The following ANKRD11 variants were observed in gnomAD, a reference collection of about 807,000 sequenced individuals.
ANKRD11 encodes ankyrin repeat domain 11.
ANKRD11 carries 17 observed loss-of-function variants against 195.7 expected under a neutral mutation model. The observed-to-expected ratio is 0.09, with a 90% CI of 0.06 to 0.13. ANKRD11 has a LOEUF of 0.13. Ranked by LOEUF, ANKRD11 falls within the 10% of genes least tolerant of loss-of-function variation. The probability of loss-of-function intolerance (pLI) is 1.00; values close to 1 mark genes in which losing one functional copy is unlikely to be tolerated. For missense variants in ANKRD11, 3,735 were observed against 3,566.1 expected (o/e 1.05, Z -1.21); for synonymous variants, 1,953 against 1,528.1 (o/e 1.28, Z -6.49).
rs967061307 is a variant in ANKRD11, at chr16:89,278,364, A to G, written c.7470+708T>C. The G allele has an allele frequency of 3.3e-5, 12 of 368,210 alleles. No homozygotes were observed. The Admixed American group carries it at 3.4e-4, about 10-fold the overall frequency. 22.8% of individuals were successfully genotyped at this position (368,210 alleles called of 1,614,324 possible). A position where few individuals can be genotyped will look rare whatever the true frequency, so the allele number is the denominator to read the frequency against. ...CCGCGGCCCAGGGCAGAGAGTGCAC[A>G]GGGCAGGCAGCCCTCATGGGAATGT... On this transcript the variant is annotated intron_variant, in intron 9 of 12. Transcript: ENST00000301030.
intron 2 of ANKRD11, chr16:89,323,144 C>T (rs1730111809): frequency 2.7e-6 from 1 of 367,182 alleles, no homozygotes; most frequent in Admixed American, 3.6e-5. Context: ...GGGAGAAGCA[C>T]GGTCTCCAGC....
chr16:89,458,143 AAC>A (rs540317368), intron 1 of ANKRD11, among the ~76,000 whole-genome samples: 326 of 152,318 alleles, frequency 2.1e-3, no homozygotes, highest in African/African-American at 7.4e-3. Context: ...TTAGAGGTTT[AAC>A]CAAAATAAAA....
At chr16:89,463,941 T>TA (rs1338319453) in intron 1 of ANKRD11, among the ~76,000 whole-genome samples, 3 of 152,200 alleles carry the variant, frequency 2.0e-5, no homozygotes, top group Non-Finnish European at 2.9e-5. Context: ...GTAGTACTAT[T>TA]AGACCACAAC....
At chr16:89,309,546 C>A (rs1027375388) in intron 3 of ANKRD11, among the ~76,000 whole-genome samples, 1 of 152,234 alleles carries the variant, frequency 6.6e-6, no homozygotes, top group Non-Finnish European at 1.5e-5. Flanking sequence ...TACACCTCAA[C>A]GAGCTGCGCA....
In ANKRD11 at chr16:89,281,060, A is replaced by T; in HGVS notation, c.5482T>A (p.Ser1828Thr). ...ASSYDSPMPP[S>T]MEDRAPLPPV... ...GGCAGGGGCGCCCTGTCTTCCATCG[A>T]GGGTGGCATGGGAGAGTCGTAGCTG... Residue 1828 changes from serine (S) to threonine (T), a missense_variant, in exon 9 of 13, where the codon TCG (serine) becomes ACG (threonine). Physicochemically the swap from Ser to Thr is moderately conservative, Grantham distance 58 (BLOSUM62 1). Transcript: ENST00000301030. The surrounding 1 kb of genome is among the most constrained non-coding windows in gnomAD (Gnocchi z 5.5). 1 of 1,606,078 alleles carries T rather than the reference A, an allele frequency of 6.2e-7. No individual in the cohort carries two copies. The highest frequency in any genetic ancestry group is 2.2e-5 in the East Asian group (1 of 44,656).
intron 2 of ANKRD11, among the ~76,000 whole-genome samples, chr16:89,330,028 AATGTAAAAAC>A (rs2037964627): frequency 6.6e-6 from 1 of 151,320 alleles, no homozygotes. Flanking sequence ...AATAAAATAA[AATGTAAAAAC>A]ATAAAATTTT....
At chr16:89,324,202 G>A (rs1036513127) in intron 2 of ANKRD11, 37 of 1,183,336 alleles carry the variant, frequency 3.1e-5, no homozygotes, top group East Asian at 2.5e-4. Flanking sequence ...CCGAGAGCGC[G>A]TTCAGCATTA....
At position 89,490,350 on chromosome 16, in the gene ANKRD11, A is replaced by AGGC. The variant is rs953053004; in HGVS notation, c.-253_-251dup. The AGGC allele has an allele frequency of 4.7e-5, 7 of 148,674 alleles. No individual in the cohort carries two copies. Among genetic ancestry groups the AGGC allele is most frequent in the African/African-American group, 7.4e-5 (3 of 40,588 alleles). 9.2% of individuals were successfully genotyped at this position (148,674 alleles called of 1,614,324 possible). ...CCCGGGCCGCGCGGCCCGAGCGGCA[A>AGGC]GGCGGCGGCGGCGGCGGCGCGGGCT... On this transcript the variant is annotated 5_prime_UTR_variant, in exon 1 of 13. Coordinates refer to ENST00000301030, the MANE Select transcript of ANKRD11 (RefSeq NM_013275.6).
At chr16:89,286,610 G>A (rs1276625769) in intron 7 of ANKRD11, 1 of 1,155,836 alleles carries the variant, frequency 8.7e-7, no homozygotes, top group South Asian at 1.6e-5. Context: ...TTAGGGAGAA[G>A]AGTGTTATGG....
At chr16:89,286,994 A>C in intron 7 of ANKRD11, 1 of 1,289,760 alleles carries the variant, frequency 7.8e-7, no homozygotes, top group Non-Finnish European at 1.0e-6. Flanking sequence ...GAATCAGTAC[A>C]GAGTTCTTAT....
rs150792884 is a variant in ANKRD11 at position 89,469,590 on chromosome 16, C to T, written c.-145+20655G>A. Among the ~76,000 whole-genome samples, 323 of 151,512 alleles carry T rather than the reference C, an allele frequency of 2.1e-3. 3 individuals are homozygous for T. Among genetic ancestry groups the T allele is most frequent in the African/African-American group, 5.3e-3 (220 of 41,410 alleles). ...CTAGTCCAAGAGAAAGGAGATAAAA[C>T]GTACGCAAATAAGAAAGGAAAAAGT... On this transcript the variant is annotated intron_variant, in intron 1 of 12. Coordinates refer to ENST00000301030, the MANE Select transcript of ANKRD11 (RefSeq NM_013275.6).
At chr16:89,273,886 G>A (rs1423310763) in intron 11 of ANKRD11, among the ~76,000 whole-genome samples, 1 of 152,126 alleles carries the variant, frequency 6.6e-6, no homozygotes, top group Admixed American at 6.5e-5. Context: ...GTGGCGTCAA[G>A]GGGGGCACAT....
At position 89,490,556 on chromosome 16, in the gene ANKRD11, G is replaced by A. The variant is rs909217907; in HGVS notation, c.-456C>T. ...GTCCATCGCGCACCGTCTCAGGGCG[G>A]CCTCTGGCTCCAGGACCCAGCGGCG... On this transcript the variant is annotated 5_prime_UTR_variant, in exon 1 of 13. Coordinates refer to ENST00000301030, the MANE Select transcript of ANKRD11 (RefSeq NM_013275.6). 7.1e-6 allele frequency: 3 copies of A among 423,000 alleles called. No homozygotes were observed. Among genetic ancestry groups the A allele is most frequent in the African/African-American group, 2.1e-5 (1 of 48,202 alleles). The allele number at this position is 423,000 out of a possible 1,614,324, so 26.2% of individuals were successfully genotyped here.
intron 1 of ANKRD11, among the ~76,000 whole-genome samples, chr16:89,478,391 T>C (rs1184412803): frequency 2.0e-5 from 3 of 151,632 alleles, no homozygotes; most frequent in African/African-American, 4.8e-5. Flanking sequence ...ACACAACTCA[T>C]AGGAAAAAAG....
At chr16:89,375,015 T>C (rs1461083198) in intron 2 of ANKRD11, among the ~76,000 whole-genome samples, 3 of 152,110 alleles carry the variant, frequency 2.0e-5, no homozygotes, top group African/African-American at 7.2e-5. Context: ...ATACACAGAT[T>C]ATAAAAAATT....
intron 1 of ANKRD11, among the ~76,000 whole-genome samples, chr16:89,457,682 G>C (rs1009398728): frequency 6.6e-6 from 1 of 152,050 alleles, no homozygotes; most frequent in African/African-American, 2.4e-5. Context: ...GCAGTGCTTG[G>C]GGCAGTGGAG....
intron 2 of ANKRD11, among the ~76,000 whole-genome samples, chr16:89,364,706 T>A (rs946793448): frequency 3.3e-5 from 5 of 152,200 alleles, no homozygotes; most frequent in Middle Eastern, 3.2e-3. Flanking sequence ...TGGGCCACAT[T>A]CAAAGCTGCC....
chr16:89,380,494 G>C (rs1597213570), intron 2 of ANKRD11, among the ~76,000 whole-genome samples: 1 of 152,308 alleles, frequency 6.6e-6, no homozygotes, highest in East Asian at 1.9e-4. Context: ...GGCTACTCCA[G>C]AGAACGACCA....
rs561986666 is a variant in ANKRD11 at position 89,285,585 on chromosome 16, C to T, written c.957G>A (p.Thr319=). ...TGAGGCCTTTTTCGAACTCGGAGTCCGTGTTGTTGCCGTCGACTGAACTGG... is the reference window on the plus strand; with the variant it reads ...TGAGGCCTTTTTCGAACTCGGAGTCTGTGTTGTTGCCGTCGACTGAACTGG... ...APSSSVDGNN[T]DSEFEKGLKH... is the part of the protein sequence containing the mutation. The change falls in exon 9 of 13, where the codon ACG becomes ACA. Residue 319 remains threonine, a synonymous_variant. Transcript: ENST00000301030. The surrounding 1 kb of genome is among the most constrained non-coding windows in gnomAD (Gnocchi z 5.6). 3.7e-6 allele frequency: 6 copies of T among 1,614,002 alleles called. No homozygotes were observed. Among genetic ancestry groups the T allele is most frequent in the African/African-American group, 2.7e-5 (2 of 74,888 alleles).
Sources: allele counts gnomAD v4.1 joint callset (sites outside exome capture counted in the v4.1 genomes callset), GRCh38; gene constraint gnomAD v4.1.1; non-coding constraint Gnocchi (gnomAD v3.1); transcripts MANE v1.5; gene names NCBI Gene and HGNC (gene_info 2026-07-23, HGNC 2026-07-21).